Variants in CAMKMT observed in about 807,000 individuals in gnomAD.
CAMKMT encodes calmodulin-lysine N-methyltransferase.
A neutral mutation model predicts 48.0 loss-of-function variants in CAMKMT; 53 were observed. The observed-to-expected ratio is 1.10, with a 90% CI of 0.89 to 1.39. The LOEUF (loss-of-function observed/expected upper bound fraction) is 1.39. Among genes scored for constraint, CAMKMT ranks in the 40% most tolerant of loss-of-function variants. CAMKMT has a pLI of 0.00. For missense variants in CAMKMT, 428 were observed against 402.7 expected (o/e 1.06, Z -0.54); for synonymous variants, 165 against 152.3 (o/e 1.08, Z -0.61).
intron 2 of CAMKMT, among the ~76,000 whole-genome samples, chr2:44,385,401 G>A (rs559144298): frequency 5.9e-5 from 9 of 152,190 alleles, no homozygotes; most frequent in East Asian, 1.9e-4. Flanking sequence ...TAGGGTTGTC[G>A]AGGTAAACAA....
chr2:44,490,419 G>A (rs1669436835), intron 3 of CAMKMT, among the ~76,000 whole-genome samples: 1 of 152,122 alleles, frequency 6.6e-6, no homozygotes, highest in Non-Finnish European at 1.5e-5. Context: ...GGGATTACAG[G>A]CATGCGCCAC....
chr2:44,532,290 A>G (rs1395913207), intron 3 of CAMKMT, among the ~76,000 whole-genome samples: 1 of 152,236 alleles, frequency 6.6e-6, no homozygotes, highest in Non-Finnish European at 1.5e-5. Context: ...ATTACCATAT[A>G]TGGATTATGT....
At chr2:44,510,132 A>C (rs1237471159) in intron 3 of CAMKMT, among the ~76,000 whole-genome samples, 1 of 152,168 alleles carries the variant, frequency 6.6e-6, no homozygotes, top group Non-Finnish European at 1.5e-5. Context: ...TTCAAATTTC[A>C]CCAGAATTTT....
chr2:44,626,597 C>T (rs533546297), intron 3 of CAMKMT, among the ~76,000 whole-genome samples: 1 of 152,188 alleles, frequency 6.6e-6, no homozygotes, highest in Non-Finnish European at 1.5e-5. Context: ...AGGGCCCATT[C>T]CTTCTCGACT....
chr2:44,534,742 G>T (rs776821449), intron 3 of CAMKMT, among the ~76,000 whole-genome samples: 1 of 152,050 alleles, frequency 6.6e-6, no homozygotes, highest in Non-Finnish European at 1.5e-5. Context: ...GCTAAGAGAA[G>T]TTTATAGCAT....
chr2:44,377,860 C>G (rs757049189), intron 2 of CAMKMT, among the ~76,000 whole-genome samples: 1 of 151,658 alleles, frequency 6.6e-6, no homozygotes, highest in Non-Finnish European at 1.5e-5. Context: ...AAGAAAAAGA[C>G]AAACCAAACC....
At chr2:44,685,055 A>G (rs910729482) in intron 3 of CAMKMT, among the ~76,000 whole-genome samples, 3 of 152,148 alleles carry the variant, frequency 2.0e-5, no homozygotes, top group Non-Finnish European at 4.4e-5. Flanking sequence ...CTTCATGTGC[A>G]TCGTGTAAAC....
chr2:44,376,890 C>G (rs1679752344), intron 2 of CAMKMT, among the ~76,000 whole-genome samples: 2 of 152,170 alleles, frequency 1.3e-5, no homozygotes, highest in African/African-American at 4.8e-5. Flanking sequence ...TCGTCTTTGT[C>G]TACCTGTGGA....
intron 9 of CAMKMT, among the ~76,000 whole-genome samples, chr2:44,762,390 G>A (rs556384178): frequency 5.3e-5 from 8 of 152,206 alleles, no homozygotes; most frequent in Non-Finnish European, 8.8e-5. Flanking sequence ...TAATAGTTTG[G>A]TTGCTAGGAA....
At chr2:44,596,353 A>G (rs899211787) in intron 3 of CAMKMT, among the ~76,000 whole-genome samples, 9 of 151,930 alleles carry the variant, frequency 5.9e-5, no homozygotes, top group Non-Finnish European at 2.9e-5. Context: ...GGAGGCTGAG[A>G]TGGGAGAATT....
chr2:44,554,797 G>T (rs1029344846), intron 3 of CAMKMT, among the ~76,000 whole-genome samples: 1 of 152,096 alleles, frequency 6.6e-6, no homozygotes, highest in Non-Finnish European at 1.5e-5. Flanking sequence ...AATCGCTTGA[G>T]CCCAGGAGGT....
chr2:44,685,552 G>A (rs1210498525), intron 3 of CAMKMT, among the ~76,000 whole-genome samples: 1 of 152,164 alleles, frequency 6.6e-6, no homozygotes, highest in Non-Finnish European at 1.5e-5. Flanking sequence ...ATGAATCTCT[G>A]CAGGATTCTA....
intron 3 of CAMKMT, among the ~76,000 whole-genome samples, chr2:44,646,207 T>G (rs889394080): frequency 1.3e-5 from 2 of 152,194 alleles, no homozygotes; most frequent in African/African-American, 4.8e-5. Context: ...GGGAAGCTAT[T>G]AACAGTTTAG....
intron 3 of CAMKMT, among the ~76,000 whole-genome samples, chr2:44,555,561 G>T (rs1667962172): frequency 6.6e-6 from 1 of 152,184 alleles, no homozygotes; most frequent in Admixed American, 6.5e-5. Flanking sequence ...TAGGCATCAG[G>T]AGAGTGGTCT....
At chr2:44,616,721 A>G (rs1332514644) in intron 3 of CAMKMT, among the ~76,000 whole-genome samples, 1 of 152,176 alleles carries the variant, frequency 6.6e-6, no homozygotes, top group Non-Finnish European at 1.5e-5. Flanking sequence ...GAAAGCCTTA[A>G]TTAGATTAGG....
At chr2:44,371,055 G>T (rs906848764) in intron 1 of CAMKMT, among the ~76,000 whole-genome samples, 4 of 152,180 alleles carry the variant, frequency 2.6e-5, no homozygotes, top group African/African-American at 9.7e-5. Context: ...CACAATCTCG[G>T]CTTACTGCAA....
At chr2:44,380,267 A>G (rs1189347054) in intron 2 of CAMKMT, among the ~76,000 whole-genome samples, 1 of 152,188 alleles carries the variant, frequency 6.6e-6, no homozygotes, top group Non-Finnish European at 1.5e-5. Flanking sequence ...GGGGAGAAGA[A>G]TCTGGCCATT....
intron 3 of CAMKMT, among the ~76,000 whole-genome samples, chr2:44,520,741 T>G (rs528749479): frequency 9.8e-4 from 150 of 152,290 alleles, no homozygotes; most frequent in African/African-American, 3.5e-3. Flanking sequence ...GTAATCCCCA[T>G]AATCCCCAAG....
At chr2:44,437,446 G>A (rs115645999) in intron 3 of CAMKMT, among the ~76,000 whole-genome samples, 398 of 146,752 alleles carry the variant, frequency 2.7e-3, no homozygotes, top group African/African-American at 0.01. Flanking sequence ...ACCTGGGGCC[G>A]TCAAACCAGT....
Sources: gnomAD v4.1 joint callset for allele counts (sites outside exome capture counted in the v4.1 genomes callset) on GRCh38, gnomAD v4.1.1 for gene constraint, MANE v1.5 for transcripts, NCBI Gene and HGNC (gene_info 2026-07-23, HGNC 2026-07-21) for gene names.